Variants in DDC observed in about 807,000 individuals in gnomAD.
The protein encoded by DDC is aromatic-L-amino-acid decarboxylase.
A neutral mutation model predicts 60.0 loss-of-function variants in DDC; 43 were observed. The ratio of observed to expected loss-of-function variants is 0.72; its 90% CI spans 0.56 to 0.92. The LOEUF (loss-of-function observed/expected upper bound fraction) is 0.92. Ranked by LOEUF, DDC falls within the 40% of genes least tolerant of loss-of-function variation. DDC has a pLI of 0.00. For synonymous variants in DDC, 232 were observed against 234.6 expected (o/e 0.99, Z 0.10); for missense variants, 573 against 620.2 (o/e 0.92, Z 0.81).
At chr7:50,486,705 A>AG (rs1473635279) in intron 9 of DDC, among the ~76,000 whole-genome samples, 1 of 152,184 alleles carries the variant, frequency 6.6e-6, no homozygotes, top group Non-Finnish European at 1.5e-5. Flanking sequence ...TAGTAAAATG[A>AG]GGTCATATGG....
At chr7:50,471,674 C>T (rs764616031) in intron 11 of DDC, among the ~76,000 whole-genome samples, 1 of 152,216 alleles carries the variant, frequency 6.6e-6, no homozygotes, top group Non-Finnish European at 1.5e-5. Context: ...TGGAGAGTGA[C>T]TTGCCCAATG....
rs1237793828 is a variant in DDC at position 50,499,148 on chromosome 7, C to G, written c.876G>C (p.Glu292Asp). 6.2e-7 allele frequency: 1 copy of G among 1,611,576 alleles called. No individual in the cohort carries two copies. The highest frequency in any genetic ancestry group is 8.5e-7 in the Non-Finnish European group (1 of 1,177,688). The change falls in exon 8 of 15, where the codon GAG becomes GAC. Residue 292 changes from glutamate (E) to aspartate (D), a missense_variant and splice_region_variant. Coordinates refer to ENST00000444124, the MANE Select transcript of DDC (RefSeq NM_001082971.2). ...TAGGGAGAGCGAAGGGTGCACCTAC[C>G]TCCACTCCATTCAGAAGGTGCCGGA... The part of the protein sequence containing the change: ...PEFRHLLNGV[E>D]FADSFNFNPH...
intron 6 of DDC, among the ~76,000 whole-genome samples, chr7:50,520,696 C>A (rs2043864994): frequency 6.6e-6 from 1 of 152,048 alleles, no homozygotes; most frequent in Non-Finnish European, 1.5e-5. Flanking sequence ...GGCGGATCAC[C>A]TGAGGTCAGG....
chr7:50,543,913 TTGA>T lies in DDC; in HGVS notation c.170_172del (p.Ile57del). 1 of 1,614,192 alleles carries T rather than the reference TTGA, an allele frequency of 6.2e-7. No individual in the cohort carries two copies. Among genetic ancestry groups the T allele is most frequent in the Non-Finnish European group, 8.5e-7 (1 of 1,180,038 alleles). Reference sequence around the variant, plus strand: ...AGGCATGATTATCTTCTCAACGTCGTTGATGATGTCCTCAAACGTGTCTGGCTC... The same window carrying T: ...AGGCATGATTATCTTCTCAACGTCGTTGATGTCCTCAAACGTGTCTGGCTC... On this transcript the variant is annotated inframe_deletion, in exon 2 of 15. Coordinates refer to ENST00000444124, the MANE Select transcript of DDC (RefSeq NM_001082971.2).
intron 13 of DDC, among the ~76,000 whole-genome samples, chr7:50,465,136 TGAC>T (rs2042366576): frequency 6.6e-6 from 1 of 152,200 alleles, no homozygotes; most frequent in Non-Finnish European, 1.5e-5. Flanking sequence ...GCCATAACCT[TGAC>T]GACATTATGC....
intron 14 of DDC, among the ~76,000 whole-genome samples, 166 bp from the exon 15 acceptor site, chr7:50,459,009 C>T (rs1333610831): frequency 6.6e-6 from 1 of 152,060 alleles, no homozygotes; most frequent in Non-Finnish European, 1.5e-5. Flanking sequence ...GATGCCCAGC[C>T]GAAGCTGGAC....
At chr7:50,521,543 T>A (rs969062132) in intron 6 of DDC, among the ~76,000 whole-genome samples, 3 of 152,060 alleles carry the variant, frequency 2.0e-5, no homozygotes, top group Non-Finnish European at 4.4e-5. Flanking sequence ...AATCCAACAA[T>A]GTAAAAAAAA....
rs753275419 is a variant in DDC at position 50,539,904 on chromosome 7, C to G, written c.315+11G>C. 1 of 1,608,266 alleles carries G rather than the reference C, an allele frequency of 6.2e-7. No individual in the cohort carries two copies. Among genetic ancestry groups the G allele is most frequent in the Admixed American group, 1.7e-5 (1 of 59,970 alleles). ...CCAGGACCCCTTCCCGAGGTGCATCCGGACCCTCACCCAGGAGAAGCCGAT... is the reference window on the plus strand; with the variant it reads ...CCAGGACCCCTTCCCGAGGTGCATCGGGACCCTCACCCAGGAGAAGCCGAT... On this transcript the variant is annotated intron_variant, in intron 3 of 14. Transcript: ENST00000444124.
chr7:50,495,770 C>G (rs1037899130), intron 8 of DDC, among the ~76,000 whole-genome samples: 1 of 152,114 alleles, frequency 6.6e-6, no homozygotes, highest in South Asian at 2.1e-4. Flanking sequence ...TTTACATAAT[C>G]TAATGTGACA....
At chr7:50,477,558 A>G in intron 10 of DDC, 1 of 457,670 alleles carries the variant, frequency 2.2e-6, no homozygotes, top group Non-Finnish European at 4.4e-6. Context: ...CCTGCACTTC[A>G]TCCACTGCAC....
At chr7:50,534,373 G>T (rs890834952) in intron 4 of DDC, among the ~76,000 whole-genome samples, 1 of 152,168 alleles carries the variant, frequency 6.6e-6, no homozygotes, top group African/African-American at 2.4e-5. Flanking sequence ...GAGGTGGGTG[G>T]ATCACCTGAG....
intron 4 of DDC, among the ~76,000 whole-genome samples, chr7:50,534,108 G>T (rs1386450849): frequency 6.6e-6 from 1 of 152,216 alleles, no homozygotes; most frequent in African/African-American, 2.4e-5. Flanking sequence ...CACGTGCAAG[G>T]ATGTTCCGAG....
chr7:50,464,859 A>G (rs556885826), intron 13 of DDC, among the ~76,000 whole-genome samples: 1 of 152,182 alleles, frequency 6.6e-6, no homozygotes, highest in African/African-American at 2.4e-5. Flanking sequence ...ATTAGAGAGG[A>G]TTAGACCAGG....
intron 1 of DDC, 100 bp downstream of exon 1, chr7:50,565,185 C>A (rs928054749): frequency 6.6e-6 from 1 of 152,238 alleles, no homozygotes; most frequent in Non-Finnish European, 1.5e-5. Context: ...AGTGAGTTAA[C>A]CTTTAAGCAA....
intron 9 of DDC, among the ~76,000 whole-genome samples, chr7:50,489,275 G>A (rs903952466): frequency 1.3e-5 from 2 of 152,076 alleles, no homozygotes; most frequent in Non-Finnish European, 2.9e-5. Context: ...CCAAAGTGCT[G>A]GGATTACAGG....
At chr7:50,506,065 C>T (rs191978282) in intron 6 of DDC, among the ~76,000 whole-genome samples, 35 of 152,306 alleles carry the variant, frequency 2.3e-4, no homozygotes, top group Admixed American at 6.5e-5. Flanking sequence ...ACAGGAAGAA[C>T]CAGGCAGGGC....
At chr7:50,540,140 A>G (rs2044575456) in intron 2 of DDC, 112 bp from the exon 3 acceptor site, 1 of 761,102 alleles carries the variant, frequency 1.3e-6, no homozygotes. Flanking sequence ...CCAGACCCAG[A>G]GTTAGGTGAG....
At chr7:50,489,708 G>A (rs1217672318) in intron 9 of DDC, among the ~76,000 whole-genome samples, 2 of 152,226 alleles carry the variant, frequency 1.3e-5, no homozygotes, top group South Asian at 4.1e-4. Context: ...GATTGGAAGA[G>A]CTAATATTGA....
intron 10 of DDC, among the ~76,000 whole-genome samples, chr7:50,479,475 A>G (rs11575463): frequency 0.77 from 117,011 of 151,812 alleles, 45,283 homozygotes; most frequent in Admixed American, 0.84. Context: ...ACGTTTCCTT[A>G]TCTGCAGGTG....
Sources: allele counts gnomAD v4.1 joint callset (sites outside exome capture counted in the v4.1 genomes callset), GRCh38; gene constraint gnomAD v4.1.1; transcripts MANE v1.5; gene names NCBI Gene and HGNC (gene_info 2026-07-23, HGNC 2026-07-21).